Variants in DISC1 observed in about 807,000 individuals in gnomAD.
DISC1 encodes the protein disrupted in schizophrenia 1 protein.
Under a neutral mutation model 84.5 loss-of-function variants are expected in DISC1, and 57 were observed. The observed-to-expected ratio is 0.67, with a 90% CI of 0.55 to 0.84. The LOEUF is 0.84. Among genes scored for constraint, DISC1 ranks in the 40% least tolerant of loss-of-function variants. DISC1 has a pLI of 0.00. For missense variants in DISC1, 1,000 were observed against 1,057.8 expected (o/e 0.95, Z 0.76); for synonymous variants, 411 against 415.2 (o/e 0.99, Z 0.12).
rs751493854 is a variant in DISC1, at chr1:231,770,925, C to G, written c.1489C>G (p.Leu497Val). ...GGAAATAGAGGAGCAAGAGCAGCAA[C>G]TCCAGTGGCAGGGCTGCGACCTGAC... ...RREIEEQEQQ[L>V]QWQGCDLTPL... Residue 497 changes from leucine to valine, a missense_variant, in exon 6 of 13, where the codon CTC becomes GTC. Leu to Val is a conservative substitution (Grantham distance 32). This residue lies in a region of DISC1 where 311 missense variants were observed against 400.1 expected (regional missense o/e 0.78). Transcript: ENST00000439617. 1 of 1,614,236 alleles carries G rather than the reference C, an allele frequency of 6.2e-7. No homozygotes were observed. Among genetic ancestry groups the G allele is most frequent in the South Asian group, 1.1e-5 (1 of 91,086 alleles).
chr1:231,963,087 T>C (rs1660608985), intron 10 of DISC1, among the ~76,000 whole-genome samples: 1 of 152,204 alleles, frequency 6.6e-6, no homozygotes, highest in South Asian at 2.1e-4. Context: ...ATCTGGTCAT[T>C]GCACAAGGCT....
chr1:231,850,580 C>G (rs202155982), intron 9 of DISC1, among the ~76,000 whole-genome samples: 2 of 152,100 alleles, frequency 1.3e-5, no homozygotes, highest in African/African-American at 2.4e-5. Flanking sequence ...AGATATCGAT[C>G]CTGTACGAAT....
chr1:231,818,888 C>T, intron 9 of DISC1: 1 of 1,045,404 alleles, frequency 9.6e-7, no homozygotes, highest in South Asian at 3.5e-5. Flanking sequence ...CAATCATAGA[C>T]TAAATCAGGC....
intron 9 of DISC1, among the ~76,000 whole-genome samples, chr1:231,873,151 A>G (rs1338060683): frequency 1.3e-5 from 2 of 152,256 alleles, no homozygotes; most frequent in African/African-American, 4.8e-5. Context: ...GATTTCCGAC[A>G]AGAACTTCCG....
chr1:231,852,214 T>C (rs1215823803), intron 9 of DISC1, among the ~76,000 whole-genome samples: 1 of 152,240 alleles, frequency 6.6e-6, no homozygotes, highest in African/African-American at 2.4e-5. Context: ...CAATCGATTT[T>C]ACTTTTCCTC....
intron 1 of DISC1, among the ~76,000 whole-genome samples, chr1:231,631,577 T>C (rs1157152074): frequency 6.6e-6 from 1 of 152,048 alleles, no homozygotes; most frequent in East Asian, 1.9e-4. Flanking sequence ...CAGGCTAGTG[T>C]GTGTGTTTGT....
chr1:231,930,136 TAG>T (rs1413632160), intron 9 of DISC1, among the ~76,000 whole-genome samples: 1 of 152,214 alleles, frequency 6.6e-6, no homozygotes, highest in Non-Finnish European at 1.5e-5. Context: ...ATTTATTTAA[TAG>T]AGAGTTTCAG....
At chr1:231,639,113 A>G (rs1207736563) in intron 1 of DISC1, among the ~76,000 whole-genome samples, 1 of 152,098 alleles carries the variant, frequency 6.6e-6, no homozygotes, top group Non-Finnish European at 1.5e-5. Flanking sequence ...CATCACAGGG[A>G]GAGGATTAGG....
intron 9 of DISC1, among the ~76,000 whole-genome samples, chr1:231,937,664 G>A (rs1207880773): frequency 6.6e-6 from 1 of 152,128 alleles, no homozygotes; most frequent in African/African-American, 2.4e-5. Context: ...ATGGGGGGAT[G>A]TCCAGGCTGC....
chr1:231,984,417 A>C (rs773065222), intron 10 of DISC1, among the ~76,000 whole-genome samples: 1 of 152,140 alleles, frequency 6.6e-6, no homozygotes, highest in Non-Finnish European at 1.5e-5. Flanking sequence ...AGAGGGGGAA[A>C]GTTCAAAAAT....
In DISC1 at chr1:231,838,333, A is replaced by AACC. The variant is rs1218702519; in HGVS notation, c.1981+19816_1981+19817insACC. Among the ~76,000 whole-genome samples the AACC allele has an allele frequency of 1.8e-4, 28 of 152,344 alleles. No individual in the cohort carries two copies. In the South Asian group the frequency reaches 5.6e-3, roughly 30 times the overall value. On this transcript the variant is annotated intron_variant, in intron 9 of 12. Coordinates refer to ENST00000439617, the MANE Select transcript of DISC1 (RefSeq NM_018662.3). ...AATGGTTTGTGTTCAGGTTTTCCAG[A>AACC]GGAAAGGATGACTCCATGTTCCTCA... is the stretch of plus-strand genomic sequence containing the variant.
intron 9 of DISC1, among the ~76,000 whole-genome samples, chr1:231,882,399 G>A (rs1161435047): frequency 6.6e-6 from 1 of 152,144 alleles, no homozygotes; most frequent in African/African-American, 2.4e-5. Flanking sequence ...CAAAAAAGGA[G>A]AAACGTAGTT....
intron 5 of DISC1, 26 bp from the exon 6 acceptor site, chr1:231,770,809 A>G: frequency 6.2e-7 from 1 of 1,608,984 alleles, no homozygotes; most frequent in Non-Finnish European, 8.5e-7. Flanking sequence ...TTAATTTATA[A>G]AATCTTGTCT....
chr1:231,749,885 A>T, intron 3 of DISC1, 41 bp from the exon 4 acceptor site: 1 of 1,614,016 alleles, frequency 6.2e-7, no homozygotes, highest in Non-Finnish European at 8.5e-7. Context: ...TTTGCATTTC[A>T]TGGTTCTTTT....
intron 3 of DISC1, among the ~76,000 whole-genome samples, chr1:231,733,146 A>AGTTG (rs2071817548): frequency 3.3e-5 from 3 of 91,322 alleles, no homozygotes; most frequent in South Asian, 3.0e-4. Context: ...TGGTGGTAGG[A>AGTTG]GTGATGGTGG....
chr1:231,674,658 G>A (rs1039026310), intron 1 of DISC1, among the ~76,000 whole-genome samples: 1 of 152,264 alleles, frequency 6.6e-6, no homozygotes, highest in Admixed American at 6.5e-5. Flanking sequence ...TGAAGCACTT[G>A]TTGGGTACAC....
intron 9 of DISC1, among the ~76,000 whole-genome samples, chr1:231,934,595 C>A (rs1176189367): frequency 2.0e-5 from 3 of 152,230 alleles, no homozygotes; most frequent in Admixed American, 1.3e-4. Flanking sequence ...AAATAGCAAT[C>A]CTTTGTAGTT....
At chr1:231,877,448 C>T (rs919723387) in intron 9 of DISC1, among the ~76,000 whole-genome samples, 1 of 152,160 alleles carries the variant, frequency 6.6e-6, no homozygotes, top group African/African-American at 2.4e-5. Flanking sequence ...TACACGCATT[C>T]AGAATTTTGT....
chr1:231,984,841 C>T (rs1482439463), intron 10 of DISC1, among the ~76,000 whole-genome samples: 2 of 151,966 alleles, frequency 1.3e-5, no homozygotes, highest in Non-Finnish European at 2.9e-5. Context: ...GATTAGGGGC[C>T]GACACAAGTA....
Sources: allele counts gnomAD v4.1 joint callset (sites outside exome capture counted in the v4.1 genomes callset), GRCh38; gene constraint gnomAD v4.1.1; regional missense constraint gnomAD v4.1.1; transcripts MANE v1.5; gene names NCBI Gene and HGNC (gene_info 2026-07-23, HGNC 2026-07-21).